Variants in TSNARE1 observed in about 807,000 individuals in gnomAD.
TSNARE1 encodes t-SNARE domain containing 1, also known as t-SNARE domain-containing protein 1.
TSNARE1 carries 49 observed loss-of-function variants against 62.0 expected under a neutral mutation model. The observed-to-expected ratio is 0.79, with a 90% CI of 0.63 to 1.00. The LOEUF (loss-of-function observed/expected upper bound fraction) is 1.00, where lower values mean the gene tolerates loss of function less well. Ranked by LOEUF, TSNARE1 falls within the 50% of genes least tolerant of loss-of-function variation. The probability of loss-of-function intolerance (pLI) is 0.00; values close to 1 mark genes in which losing one functional copy is unlikely to be tolerated. For missense variants in TSNARE1, 755 were observed against 700.1 expected, an observed-to-expected ratio of 1.08 and a Z score of -0.88; for synonymous variants, 328 against 294.4, an observed-to-expected ratio of 1.11 and a Z score of -1.17.
At chr8:142,257,816 C>T (rs550537059) in intron 12 of TSNARE1, among the ~76,000 whole-genome samples, 63 of 152,230 alleles carry the variant, frequency 4.1e-4, no homozygotes, top group African/African-American at 1.5e-3. Context: ...CAGCCGCCTC[C>T]GGGAGAAGCC....
chr8:142,293,748 G>A (rs1359834111), intron 10 of TSNARE1, among the ~76,000 whole-genome samples: 2 of 152,208 alleles, frequency 1.3e-5, no homozygotes, highest in Admixed American at 1.3e-4. Flanking sequence ...TGCTAACTGG[G>A]TGCTATTGGT....
intron 6 of TSNARE1, among the ~76,000 whole-genome samples, chr8:142,326,667 G>A (rs1467936129): frequency 6.6e-6 from 1 of 150,720 alleles, no homozygotes; most frequent in Non-Finnish European, 1.5e-5. Context: ...CGAAGGGGAG[G>A]GCCCCAGAGA....
intron 1 of TSNARE1, among the ~76,000 whole-genome samples, chr8:142,376,063 C>G (rs78133582): frequency 0.029 from 4,373 of 152,304 alleles, 71 homozygotes; most frequent in East Asian, 0.069. Flanking sequence ...CCAGCAGAGT[C>G]GGTGGACACT....
intron 1 of TSNARE1, among the ~76,000 whole-genome samples, chr8:142,399,080 C>A (rs552031184): frequency 4.6e-5 from 7 of 152,334 alleles, no homozygotes; most frequent in Non-Finnish European, 2.9e-5. Context: ...CACCGCCCAA[C>A]TGGGCTCCGT....
chr8:142,286,395 T>A (rs1457097933), intron 10 of TSNARE1, among the ~76,000 whole-genome samples: 4 of 152,188 alleles, frequency 2.6e-5, no homozygotes, highest in Non-Finnish European at 5.9e-5. Flanking sequence ...AATGAAGCAA[T>A]TAGCATGATC....
At chr8:142,271,470 G>A in intron 12 of TSNARE1, 1 of 1,282,608 alleles carries the variant, frequency 7.8e-7, no homozygotes, top group Non-Finnish European at 9.8e-7. Context: ...CTCCTGGAGG[G>A]CAAGGGAGGT....
chr8:142,265,031 A>C (rs1364557069), intron 12 of TSNARE1, among the ~76,000 whole-genome samples: 5 of 151,784 alleles, frequency 3.3e-5, no homozygotes, highest in South Asian at 4.2e-4. Flanking sequence ...GTTTAATTGT[A>C]TTCTTATTCC....
At chr8:142,351,569 C>A (rs551925285) in intron 2 of TSNARE1, among the ~76,000 whole-genome samples, 1 of 152,252 alleles carries the variant, frequency 6.6e-6, no homozygotes, top group South Asian at 2.1e-4. Context: ...GATGCAGGGA[C>A]GCCAGGCAAA....
intron 2 of TSNARE1, among the ~76,000 whole-genome samples, chr8:142,354,044 C>T (rs771880025): frequency 6.6e-6 from 1 of 152,134 alleles, no homozygotes; most frequent in Non-Finnish European, 1.5e-5. Flanking sequence ...ATGTGCAGGC[C>T]AAGCTGACAG....
At position 142,238,042 on chromosome 8, in the gene TSNARE1, C is replaced by T. The variant is rs1041984208; in HGVS notation, c.1447-8463G>A. ...TTAGGGAGGCAGCGGCTCCCTCACC[C>T]GACCCAGGAAGCACATCCGCTTCAC... On this transcript the variant is annotated intron_variant, in intron 12 of 13. Coordinates refer to ENST00000524325, the MANE Select transcript of TSNARE1 (RefSeq NM_145003.5). Among the ~76,000 whole-genome samples, 73 of 152,206 alleles carry T rather than the reference C, an allele frequency of 4.8e-4. 1 individual carries two copies. Among genetic ancestry groups the T allele is most frequent in the Admixed American group, 1.6e-3 (24 of 15,300 alleles).
chr8:142,281,528 G>T (rs1705616317), intron 11 of TSNARE1, among the ~76,000 whole-genome samples: 1 of 151,962 alleles, frequency 6.6e-6, no homozygotes, highest in African/African-American at 2.4e-5. Context: ...GACTACAGTG[G>T]GAAGAGGACA....
chr8:142,318,627 C>A lies in TSNARE1; in HGVS notation c.901G>T (p.Ala301Ser), dbSNP rs767579785. 6.2e-7 allele frequency: 1 copy of A among 1,613,644 alleles called. No homozygotes were observed. Among genetic ancestry groups the A allele is most frequent in the South Asian group, 1.1e-5 (1 of 91,040 alleles). Residue 301 changes from alanine (A) to serine (S), a missense_variant, in exon 7 of 14, where the codon GCA becomes TCA. Ala to Ser is a moderately conservative substitution (Grantham distance 99). Transcript: ENST00000524325. ...TQELRDSLHT[A>S]QQETNKTIAA... ...ATGGTCTTGTTGGTCTCCTGCTGTGCCGTGTGCCTGGGGGCCGAGAAGGAG... is the reference window on the plus strand; with the variant it reads ...ATGGTCTTGTTGGTCTCCTGCTGTGACGTGTGCCTGGGGGCCGAGAAGGAG...
chr8:142,401,034 C>T (rs796368550), intron 1 of TSNARE1, among the ~76,000 whole-genome samples: 2 of 152,304 alleles, frequency 1.3e-5, no homozygotes, highest in South Asian at 2.1e-4. Context: ...CGCCGTGTCG[C>T]GAATGGCTTG....
chr8:142,362,331 A>G (rs1382639427), intron 1 of TSNARE1, among the ~76,000 whole-genome samples: 4 of 152,184 alleles, frequency 2.6e-5, no homozygotes, highest in African/African-American at 7.2e-5. Context: ...CCTGGCCTCA[A>G]CAGACCCACG....
At chr8:142,383,062 A>T (rs1226378078) in intron 1 of TSNARE1, among the ~76,000 whole-genome samples, 1 of 152,170 alleles carries the variant, frequency 6.6e-6, no homozygotes, top group Non-Finnish European at 1.5e-5. Flanking sequence ...AGGGACCCAC[A>T]ACAGGACAGG....
At chr8:142,284,812 T>C (rs968195937) in intron 10 of TSNARE1, among the ~76,000 whole-genome samples, 1 of 152,036 alleles carries the variant, frequency 6.6e-6, no homozygotes, top group Non-Finnish European at 1.5e-5. Context: ...AGTACAGAGG[T>C]CCCAGGGTCT....
At chr8:142,246,461 C>A (rs1199498270) in intron 12 of TSNARE1, among the ~76,000 whole-genome samples, 5 of 152,158 alleles carry the variant, frequency 3.3e-5, no homozygotes, top group African/African-American at 1.2e-4. Context: ...CTGCCCACCC[C>A]CTCCCTGGCA....
At chr8:142,369,470 T>C (rs1007121452) in intron 1 of TSNARE1, among the ~76,000 whole-genome samples, 2 of 152,052 alleles carry the variant, frequency 1.3e-5, no homozygotes, top group African/African-American at 2.4e-5. Flanking sequence ...ACAAGAACAT[T>C]AGAAAAAGCA....
At chr8:142,222,002 G>C (rs370569172) in intron 13 of TSNARE1, among the ~76,000 whole-genome samples, 3,330 of 21,492 alleles carry the variant, frequency 0.15, 1 homozygote, top group Middle Eastern at 0.3. Flanking sequence ...CTCACTCACT[G>C]ATTCACTCAC....
Sources: gnomAD v4.1 joint callset for allele counts (sites outside exome capture counted in the v4.1 genomes callset) on GRCh38, gnomAD v4.1.1 for gene constraint, MANE v1.5 for transcripts, NCBI Gene and HGNC (gene_info 2026-07-23, HGNC 2026-07-21) for gene names.